Variants in SLC1A1 observed in about 807,000 individuals in gnomAD.
SLC1A1 encodes excitatory amino acid transporter 3.
SLC1A1 carries 43 observed loss-of-function variants against 53.3 expected under a neutral mutation model. The observed-to-expected ratio is 0.81, with a 90% CI of 0.63 to 1.04. The LOEUF (loss-of-function observed/expected upper bound fraction) is 1.04, where lower values mean the gene tolerates loss of function less well. Among genes scored for constraint, SLC1A1 ranks in the 50% least tolerant of loss-of-function variants. The pLI, the probability that SLC1A1 is intolerant of heterozygous loss-of-function variation, is 0.00. For missense variants in SLC1A1, 748 were observed against 664.9 expected (o/e 1.12, Z -1.37); for synonymous variants, 307 against 243.2 (o/e 1.26, Z -2.44).
chr9:4,532,581 A>G (rs937746602), intron 1 of SLC1A1, among the ~76,000 whole-genome samples: 24 of 152,292 alleles, frequency 1.6e-4, no homozygotes, highest in Middle Eastern at 3.4e-3. Context: ...CCAAATCTAC[A>G]TCTGATTGTT....
chr9:4,534,081 C>T (rs934492187), intron 1 of SLC1A1, among the ~76,000 whole-genome samples: 1 of 152,074 alleles, frequency 6.6e-6, no homozygotes, highest in African/African-American at 2.4e-5. Flanking sequence ...GAAATTTATA[C>T]CACTAAATGC....
chr9:4,536,570 C>A (rs1192658573), intron 1 of SLC1A1, among the ~76,000 whole-genome samples: 1 of 152,200 alleles, frequency 6.6e-6, no homozygotes, highest in Non-Finnish European at 1.5e-5. Flanking sequence ...TGTGGAGAAA[C>A]AGGAACACTT....
intron 3 of SLC1A1, among the ~76,000 whole-genome samples, chr9:4,564,133 A>G (rs1819254942): frequency 6.6e-6 from 1 of 152,166 alleles, no homozygotes; most frequent in African/African-American, 2.4e-5. Context: ...ACGCAAGCAC[A>G]TGGAGTTCTT....
At chr9:4,510,342 C>T (rs1341946580) in intron 1 of SLC1A1, among the ~76,000 whole-genome samples, 1 of 152,204 alleles carries the variant, frequency 6.6e-6, no homozygotes, top group Non-Finnish European at 1.5e-5. Context: ...GCAAATGTGG[C>T]TGGCGGAGAA....
In SLC1A1 at chr9:4,496,767, C is replaced by T. The variant is rs114744658; in HGVS notation, c.91+5997C>T. On this transcript the variant is annotated intron_variant, in intron 1 of 11. Coordinates refer to ENST00000262352, the MANE Select transcript of SLC1A1 (RefSeq NM_004170.6). ...ATTAAATTAGCCAGGCACGATGGTG[C>T]GTGCCTGTGGCCCCAACTACTCAAG... Among the ~76,000 whole-genome samples the T allele has an allele frequency of 3.0e-3, 458 of 152,132 alleles. 1 individual carries two copies. The highest frequency in any genetic ancestry group is 0.01 in the African/African-American group (431 of 41,510).
intron 1 of SLC1A1, among the ~76,000 whole-genome samples, chr9:4,525,784 G>A (rs1816237323): frequency 6.6e-6 from 1 of 152,088 alleles, no homozygotes; most frequent in East Asian, 1.9e-4. Context: ...ATCAGTCAAT[G>A]CATCACAGAG....
chr9:4,585,379 T>C lies in SLC1A1; in HGVS notation c.1396T>C (p.Ser466Pro). The change falls in exon 12 of 12, where the codon TCC (serine) becomes CCC (proline). Residue 466 changes from serine to proline, a missense_variant. By Grantham distance (74) the Ser-to-Pro change is moderately conservative. Transcript: ENST00000262352. Reference protein sequence around the residue: ...AFGTGIVEKLSKKELEQMDVS... With the variant: ...AFGTGIVEKLPKKELEQMDVS... ...TGGGACGGGCATTGTGGAAAAGCTC[T>C]CCAAGAAGGAGCTGGAGCAGATGGA... 3.1e-6 allele frequency: 5 copies of C among 1,614,170 alleles called. No homozygotes were observed. The highest frequency in any genetic ancestry group is 3.4e-6 in the Non-Finnish European group (4 of 1,180,020).
intron 1 of SLC1A1, among the ~76,000 whole-genome samples, chr9:4,521,722 T>C (rs1816078272): frequency 6.6e-6 from 1 of 152,178 alleles, no homozygotes; most frequent in African/African-American, 2.4e-5. Context: ...TTTATATCTG[T>C]ATACTTTATG....
At chr9:4,576,445 C>T (rs986734384) in intron 9 of SLC1A1, 124 bp from the exon 10 acceptor site, 1 of 824,748 alleles carries the variant, frequency 1.2e-6, no homozygotes, top group African/African-American at 1.7e-5. Flanking sequence ...ATTTTCTTTA[C>T]TTTTCTCGAC....
chr9:4,581,994 A>G (rs1463751651), intron 10 of SLC1A1, among the ~76,000 whole-genome samples: 1 of 152,110 alleles, frequency 6.6e-6, no homozygotes, highest in East Asian at 1.9e-4. Flanking sequence ...TAAATTGCCA[A>G]TTTTTACATT....
At chr9:4,497,451 C>T (rs1353353421) in intron 1 of SLC1A1, among the ~76,000 whole-genome samples, 1 of 152,172 alleles carries the variant, frequency 6.6e-6, no homozygotes, top group Non-Finnish European at 1.5e-5. Flanking sequence ...CTTCTCTGTG[C>T]CCATAGTACC....
rs1554691036 is a variant in SLC1A1, at chr9:4,583,853, T to TTTCTCTCTCTCTC, written c.1328+682_1328+683insTCTCTCTCTCTCT. On this transcript the variant is annotated intron_variant, in intron 11 of 11. Coordinates refer to ENST00000262352, the MANE Select transcript of SLC1A1 (RefSeq NM_004170.6). The surrounding 1 kb of genome is among the most constrained non-coding windows in gnomAD (Gnocchi z 4.6). ...CCATTCAGGCCCCAATCAACAACACTTCTCTCTCTCTCTCTCTCTCTCTCT... is the reference window on the plus strand; with the variant it reads ...CCATTCAGGCCCCAATCAACAACACTTTCTCTCTCTCTCTCTCTCTCTCTCTCTCTCTCTCTCT... Among the ~76,000 whole-genome samples the TTTCTCTCTCTCTC allele has an allele frequency of 5.1e-5, 7 of 136,924 alleles. No individual in the cohort carries two copies. The highest frequency in any genetic ancestry group is 1.1e-4 in the Non-Finnish European group (7 of 64,646). 89.8% of individuals were successfully genotyped at this position (136,924 alleles called of 152,430 possible).
chr9:4,521,646 G>A lies in SLC1A1; in HGVS notation c.92-22921G>A, dbSNP rs149792277. Among the ~76,000 whole-genome samples, 5 of 152,246 alleles carry A rather than the reference G, an allele frequency of 3.3e-5. No individual in the cohort carries two copies. The East Asian group carries it at 7.7e-4, about 23-fold the overall frequency. Reference sequence around the variant, plus strand: ...TCATGATGAGTTTGCTGTTTGAGACGGTATGGTAAGAAGCTTTATAATGGC... The same window carrying A: ...TCATGATGAGTTTGCTGTTTGAGACAGTATGGTAAGAAGCTTTATAATGGC... On this transcript the variant is annotated intron_variant, in intron 1 of 11. Transcript: ENST00000262352.
At chr9:4,514,521 T>TA (rs951189824) in intron 1 of SLC1A1, among the ~76,000 whole-genome samples, 3 of 152,146 alleles carry the variant, frequency 2.0e-5, no homozygotes, top group Non-Finnish European at 4.4e-5. Flanking sequence ...GCTTTCCAAA[T>TA]ACACTTGGGC....
intron 9 of SLC1A1, 70 bp from the exon 10 acceptor site, chr9:4,576,499 G>C: frequency 3.9e-6 from 5 of 1,269,336 alleles, no homozygotes; most frequent in East Asian, 2.3e-5. Flanking sequence ...TGGAAGACAG[G>C]CATGTCTTCA....
chr9:4,567,930 C>CA (rs1202366407), intron 6 of SLC1A1, among the ~76,000 whole-genome samples, 163 bp downstream of exon 6: 2 of 152,168 alleles, frequency 1.3e-5, no homozygotes, highest in African/African-American at 4.8e-5. Flanking sequence ...AAGGGGCTTT[C>CA]ATGGTCATCA....
chr9:4,568,489 G>C (rs896633994), intron 6 of SLC1A1, among the ~76,000 whole-genome samples: 14 of 151,564 alleles, frequency 9.2e-5, no homozygotes, highest in Non-Finnish European at 1.8e-4. Flanking sequence ...GGGAGGCCAA[G>C]ACAGGTGGAT....
At chr9:4,528,791 C>CCT (rs140757806) in intron 1 of SLC1A1, among the ~76,000 whole-genome samples, 17,276 of 152,048 alleles carry the variant, frequency 0.11, 1,531 homozygotes, top group African/African-American at 0.25. Flanking sequence ...TCCACTCTTA[C>CCT]CTTTCTTTGT....
chr9:4,563,897 G>A (rs1819224987), intron 3 of SLC1A1, among the ~76,000 whole-genome samples: 1 of 151,966 alleles, frequency 6.6e-6, no homozygotes, highest in Non-Finnish European at 1.5e-5. Flanking sequence ...TGTTTTGTAT[G>A]ATCCTCAGGA....
Sources: allele counts gnomAD v4.1 joint callset (sites outside exome capture counted in the v4.1 genomes callset), GRCh38; gene constraint gnomAD v4.1.1; non-coding constraint Gnocchi (gnomAD v3.1); transcripts MANE v1.5; gene names NCBI Gene and HGNC (gene_info 2026-07-23, HGNC 2026-07-21).